Variants in ANKRD13C observed in about 807,000 individuals in gnomAD.
ANKRD13C encodes ankyrin repeat domain-containing protein 13C.
A neutral mutation model predicts 65.5 loss-of-function variants in ANKRD13C; 16 were observed. That is an observed-to-expected ratio of 0.24 (90% CI 0.17 to 0.37). The LOEUF (loss-of-function observed/expected upper bound fraction) is 0.37. Ranked by LOEUF, ANKRD13C falls within the 10% of genes least tolerant of loss-of-function variation. The pLI is 1.00. For missense variants in ANKRD13C, 503 were observed against 655.9 expected (o/e 0.77, Z 2.55); for synonymous variants, 235 against 238.7 (o/e 0.98, Z 0.14).
intron 10 of ANKRD13C, among the ~76,000 whole-genome samples, 198 bp downstream of exon 10, chr1:70,276,567 C>T (rs1679143352): frequency 6.6e-6 from 1 of 152,072 alleles, no homozygotes. Context: ...CAACCATTTG[C>T]AAAGAGGGTA....
intron 1 of ANKRD13C, among the ~76,000 whole-genome samples, chr1:70,350,936 GGATTACCT>G (rs1206316438): frequency 6.6e-6 from 1 of 152,136 alleles, no homozygotes; most frequent in Non-Finnish European, 1.5e-5. Flanking sequence ...TGAGGTGAGT[GGATTACCT>G]GAGGCCAGGA....
chr1:70,264,474 TCAAAAAAAA>T (rs1678523113), intron 12 of ANKRD13C, among the ~76,000 whole-genome samples: 1 of 57,204 alleles, frequency 1.7e-5, no homozygotes, highest in African/African-American at 7.1e-5. Flanking sequence ...AGACTCTATC[TCAAAAAAAA>T]AAAAAAAAAA....
At chr1:70,319,480 G>A (rs1681212581) in intron 3 of ANKRD13C, among the ~76,000 whole-genome samples, 1 of 151,918 alleles carries the variant, frequency 6.6e-6, no homozygotes, top group South Asian at 2.1e-4. Flanking sequence ...GGTGGCGGGT[G>A]CCTGTAATCT....
intron 11 of ANKRD13C, 135 bp downstream of exon 11, chr1:70,274,583 GCA>G: frequency 1.5e-6 from 1 of 672,042 alleles, no homozygotes; most frequent in Non-Finnish European, 2.6e-6. Flanking sequence ...CTAGAACAGT[GCA>G]CACACTATCA....
intron 12 of ANKRD13C, among the ~76,000 whole-genome samples, chr1:70,263,216 T>C (rs1306525635): frequency 1.3e-5 from 2 of 152,202 alleles, no homozygotes; most frequent in African/African-American, 4.8e-5. Flanking sequence ...GATTATAGTA[T>C]ATTTACTATT....
intron 9 of ANKRD13C, among the ~76,000 whole-genome samples, chr1:70,283,932 C>A (rs1292362459): frequency 6.6e-6 from 1 of 152,088 alleles, no homozygotes; most frequent in African/African-American, 2.4e-5. Flanking sequence ...GAGCATTGTT[C>A]CCTACTCCAA....
intron 6 of ANKRD13C, among the ~76,000 whole-genome samples, chr1:70,303,836 T>C (rs1329490445): frequency 1.3e-5 from 2 of 152,206 alleles, no homozygotes; most frequent in African/African-American, 4.8e-5. Context: ...CAAAAAACCT[T>C]TTGTCATACA....
At chr1:70,306,334 T>C (rs1490809978) in intron 5 of ANKRD13C, 44 bp from the exon 6 acceptor site, 1 of 1,280,918 alleles carries the variant, frequency 7.8e-7, no homozygotes, top group East Asian at 2.5e-5. Context: ...TACCTAAATT[T>C]TGAGATATTT....
At chr1:70,320,783 T>C (rs189960811) in intron 3 of ANKRD13C, among the ~76,000 whole-genome samples, 1 of 151,880 alleles carries the variant, frequency 6.6e-6, no homozygotes, top group African/African-American at 2.4e-5. Flanking sequence ...CCTACTATAA[T>C]ACTTTACTTT....
chr1:70,313,879 A>T (rs539889159), intron 4 of ANKRD13C, 89 bp from the exon 5 acceptor site: 1,078 of 893,628 alleles, frequency 1.2e-3, no homozygotes, highest in Non-Finnish European at 1.7e-3. Context: ...AAAACATTAT[A>T]ATACATGCAT....
rs559835825 is a variant in ANKRD13C at position 70,261,009 on chromosome 1, T to C, written c.*1708A>G. 1.3e-5 allele frequency: 2 copies of C among 152,102 alleles called. No homozygotes were observed. The highest frequency in any genetic ancestry group is 4.8e-5 in the African/African-American group (2 of 41,432). 9.4% of individuals were successfully genotyped at this position (152,102 alleles called of 1,614,324 possible). ...GTCTCCAACCCCATGTAACCACTGA[T>C]AGGATAATTCAGTCTCTAAGTCATT... On this transcript the variant is annotated 3_prime_UTR_variant, in exon 13 of 13. Transcript: ENST00000370944.
intron 6 of ANKRD13C, among the ~76,000 whole-genome samples, chr1:70,301,210 C>T (rs1359220764): frequency 2.7e-5 from 4 of 146,594 alleles, no homozygotes; most frequent in African/African-American, 8.2e-5. Flanking sequence ...TACACACACA[C>T]ATATATATAT....
intron 5 of ANKRD13C, among the ~76,000 whole-genome samples, chr1:70,309,084 C>A (rs1162224365): frequency 6.6e-6 from 1 of 150,824 alleles, no homozygotes; most frequent in East Asian, 2.0e-4. Flanking sequence ...GCTCTGTCAC[C>A]CAGGCTGGAA....
intron 9 of ANKRD13C, among the ~76,000 whole-genome samples, chr1:70,283,579 G>A (rs1215944480): frequency 1.3e-5 from 2 of 152,016 alleles, no homozygotes; most frequent in East Asian, 3.9e-4. Context: ...CACTTTAGGA[G>A]GTCGAGGCGG....
intron 1 of ANKRD13C, among the ~76,000 whole-genome samples, chr1:70,336,495 GACAAAT>G (rs541367865): frequency 1.1e-3 from 174 of 152,054 alleles, no homozygotes; most frequent in African/African-American, 3.7e-3. Flanking sequence ...TGCTGTTAGA[GACAAAT>G]ATGAAAATAA....
chr1:70,299,496 A>G (rs1225653133), intron 7 of ANKRD13C, among the ~76,000 whole-genome samples: 3 of 152,228 alleles, frequency 2.0e-5, no homozygotes, highest in Admixed American at 6.5e-5. Context: ...CATTTATAAG[A>G]CTTTCCAATG....
chr1:70,274,255 C>A (rs558298586), intron 11 of ANKRD13C, among the ~76,000 whole-genome samples: 1 of 151,474 alleles, frequency 6.6e-6, no homozygotes, highest in East Asian at 2.0e-4. Flanking sequence ...GGGTGGATCA[C>A]CTGAGGTCAG....
chr1:70,353,311 A>G (rs1370627877), intron 1 of ANKRD13C, among the ~76,000 whole-genome samples: 1 of 152,240 alleles, frequency 6.6e-6, no homozygotes, highest in East Asian at 1.9e-4. Context: ...TTTTAGTCAC[A>G]GTCATCAAGA....
intron 1 of ANKRD13C, among the ~76,000 whole-genome samples, chr1:70,341,211 G>A (rs759155803): frequency 1.3e-5 from 2 of 151,920 alleles, no homozygotes; most frequent in African/African-American, 2.4e-5. Flanking sequence ...ACTTTTTAAC[G>A]TCCTGATGTT....
Sources: gnomAD v4.1 joint callset for allele counts (sites outside exome capture counted in the v4.1 genomes callset) on GRCh38, gnomAD v4.1.1 for gene constraint, MANE v1.5 for transcripts, NCBI Gene and HGNC (gene_info 2026-07-23, HGNC 2026-07-21) for gene names.